The following PFKFB3 variants were observed in gnomAD, a reference collection of about 807,000 sequenced individuals.
PFKFB3 encodes 6-phosphofructo-2-kinase/fructose-2,6-bisphosphatase 3.
A neutral mutation model predicts 68.0 loss-of-function variants in PFKFB3; 33 were observed. That is an observed-to-expected ratio of 0.49 (90% CI 0.37 to 0.65). The LOEUF is 0.65. Among genes scored for constraint, PFKFB3 ranks in the 30% least tolerant of loss-of-function variants. The pLI is 0.00. For missense variants in PFKFB3, 586 were observed against 712.2 expected (o/e 0.82, Z 2.02); for synonymous variants, 315 against 288.2 (o/e 1.09, Z -0.94).
chr10:6,272,731 C>T, the PFKFB3 span, among the ~76,000 whole-genome samples: 1 of 152,036 alleles, frequency 6.6e-6, no homozygotes, highest in East Asian at 1.9e-4. Flanking sequence ...ACCTGGGCCC[C>T]AGCCGCGCTG....
intron 1 of PFKFB3, among the ~76,000 whole-genome samples, chr10:6,206,861 G>GCAAT (rs1843787491): frequency 2.5e-5 from 1 of 40,364 alleles, no homozygotes; most frequent in Non-Finnish European, 5.8e-5. Flanking sequence ...GGGCAGAGAC[G>GCAAT]CTCCTCACTT....
At chr10:6,322,154 G>A in the PFKFB3 span, among the ~76,000 whole-genome samples, 1 of 152,148 alleles carries the variant, frequency 6.6e-6, no homozygotes, top group Non-Finnish European at 1.5e-5. Flanking sequence ...CTCCCTTTCT[G>A]CTTCATCTAA....
At chr10:6,210,579 T>C (rs1268899165) in intron 1 of PFKFB3, among the ~76,000 whole-genome samples, 4 of 53,690 alleles carry the variant, frequency 7.5e-5, no homozygotes, top group Non-Finnish European at 1.1e-4. Context: ...AGGATAGTCT[T>C]GATAGTGTTT....
At chr10:6,297,607 T>C in the PFKFB3 span, among the ~76,000 whole-genome samples, 2 of 152,132 alleles carry the variant, frequency 1.3e-5, no homozygotes, top group Non-Finnish European at 2.9e-5. Flanking sequence ...AGGAGCAAGA[T>C]GTCCCCATGA....
intron 1 of PFKFB3, among the ~76,000 whole-genome samples, chr10:6,166,367 A>G (rs1042474453): frequency 2.6e-5 from 4 of 151,152 alleles, no homozygotes; most frequent in South Asian, 2.1e-4. Flanking sequence ...TGCTGGGATT[A>G]CAGACATGAG....
intron 1 of PFKFB3, among the ~76,000 whole-genome samples, chr10:6,212,631 T>C (rs1290365049): frequency 1.3e-5 from 2 of 152,146 alleles, no homozygotes; most frequent in Non-Finnish European, 1.5e-5. Context: ...CCTGACCTAC[T>C]TTCATTTGAT....
intron 1 of PFKFB3, among the ~76,000 whole-genome samples, chr10:6,174,254 A>G (rs578137465): frequency 4.6e-5 from 7 of 152,274 alleles, no homozygotes; most frequent in East Asian, 1.9e-4. Flanking sequence ...CTTCATGCCA[A>G]TGACCCAGGC....
intron 14 of PFKFB3, among the ~76,000 whole-genome samples, chr10:6,246,327 T>TTTA (rs58641525): frequency 0.04 from 6,028 of 149,700 alleles, 161 homozygotes; most frequent in East Asian, 0.14. Context: ...ATTTATTTTA[T>TTTA]TTATTATTAT....
intron 14 of PFKFB3, among the ~76,000 whole-genome samples, chr10:6,243,066 T>TA (rs1257384447): frequency 2.0e-5 from 3 of 152,188 alleles, no homozygotes; most frequent in Non-Finnish European, 2.9e-5. Context: ...GTATTAGGGA[T>TA]AAAAAAATAC....
chr10:6,279,316 C>A, the PFKFB3 span, among the ~76,000 whole-genome samples: 2 of 152,142 alleles, frequency 1.3e-5, no homozygotes, highest in Admixed American at 1.3e-4. Context: ...CATTAGTGGT[C>A]AACTATCTAA....
chr10:6,159,248 A>G (rs1370896130), intron 1 of PFKFB3, among the ~76,000 whole-genome samples: 1 of 152,062 alleles, frequency 6.6e-6, no homozygotes, highest in East Asian at 1.9e-4. Context: ...TACAAAAATT[A>G]GCCAGGCGTG....
chr10:6,254,118 C>A, intron 14 of PFKFB3: 61 of 318,334 alleles, frequency 1.9e-4, no homozygotes, highest in East Asian at 5.3e-4. Context: ...TTTTTTTTCT[C>A]TTTAGCCCTT....
chr10:6,251,291 C>T (rs1408621548), intron 14 of PFKFB3, among the ~76,000 whole-genome samples: 1 of 152,232 alleles, frequency 6.6e-6, no homozygotes. Context: ...CAGCCACCCA[C>T]CTGCCCATCC....
the PFKFB3 span, among the ~76,000 whole-genome samples, chr10:6,297,566 C>T: frequency 6.6e-5 from 10 of 151,912 alleles, no homozygotes; most frequent in African/African-American, 1.9e-4. Flanking sequence ...AAGGAAGCAC[C>T]GTTGGAGGGA....
At chr10:6,261,688 A>G in the PFKFB3 span, among the ~76,000 whole-genome samples, 1 of 152,174 alleles carries the variant, frequency 6.6e-6, no homozygotes, top group African/African-American at 2.4e-5. Context: ...GTAAAACCCC[A>G]TCTCTATTAA....
At position 6,229,486 on chromosome 10, in the gene PFKFB3, G is replaced by A. The variant is rs1160915650; in HGVS notation, c.1515+3121G>A. 6.6e-6 allele frequency among the ~76,000 whole-genome samples: 1 copy of A among 152,186 alleles called. No individual in the cohort carries two copies. Among genetic ancestry groups the A allele is most frequent in the Non-Finnish European group, 1.5e-5 (1 of 68,032 alleles). On this transcript the variant is annotated intron_variant, in intron 14 of 14. Coordinates refer to ENST00000379775, the MANE Select transcript of PFKFB3 (RefSeq NM_004566.4). The surrounding 1 kb of genome is among the most constrained non-coding windows in gnomAD (Gnocchi z 4.3). ...CCTGCCCTGTGACCCGCAAGGCATGGGCAGCTGTTGGACCCTCGTGTACCC... is the reference window on the plus strand; with the variant it reads ...CCTGCCCTGTGACCCGCAAGGCATGAGCAGCTGTTGGACCCTCGTGTACCC...
chr10:6,274,740 G>A, the PFKFB3 span, among the ~76,000 whole-genome samples: 1 of 152,160 alleles, frequency 6.6e-6, no homozygotes, highest in South Asian at 2.1e-4. Flanking sequence ...GGAGGCTGAG[G>A]TGGGAGGATC....
intron 1 of PFKFB3, among the ~76,000 whole-genome samples, chr10:6,197,308 A>G (rs1843204248): frequency 6.6e-6 from 1 of 152,116 alleles, no homozygotes. Flanking sequence ...TAGATATACA[A>G]ATACCTACCA....
At chr10:6,197,427 A>G (rs1843206657) in intron 1 of PFKFB3, among the ~76,000 whole-genome samples, 1 of 152,256 alleles carries the variant, frequency 6.6e-6, no homozygotes, top group Admixed American at 6.5e-5. Flanking sequence ...AGGCTCTGCC[A>G]TCTAGGTTTG....
Sources: gnomAD v4.1 joint callset for allele counts (sites outside exome capture counted in the v4.1 genomes callset) on GRCh38, gnomAD v4.1.1 for gene constraint, Gnocchi (gnomAD v3.1) non-coding constraint, MANE v1.5 for transcripts, NCBI Gene and HGNC (gene_info 2026-07-23, HGNC 2026-07-21) for gene names.